Variants in SLC4A1AP observed in about 807,000 individuals in gnomAD.
The protein encoded by SLC4A1AP is solute carrier family 4 member 1 adaptor protein.
Under a neutral mutation model 89.7 loss-of-function variants are expected in SLC4A1AP, and 64 were observed. That is an observed-to-expected ratio of 0.71 (90% CI 0.58 to 0.88). SLC4A1AP has a LOEUF of 0.88. Among genes scored for constraint, SLC4A1AP ranks in the 40% least tolerant of loss-of-function variants. The probability of loss-of-function intolerance (pLI) is 0.00; values close to 1 mark genes in which losing one functional copy is unlikely to be tolerated. For synonymous variants in SLC4A1AP, 366 were observed against 353.3 expected, an observed-to-expected ratio of 1.04 and a Z score of -0.40; for missense variants, 931 against 965.0, an observed-to-expected ratio of 0.96 and a Z score of 0.47.
At chr2:27,688,228 C>G (rs927816604) in intron 11 of SLC4A1AP, among the ~76,000 whole-genome samples, 1 of 152,196 alleles carries the variant, frequency 6.6e-6, no homozygotes, top group Non-Finnish European at 1.5e-5. Context: ...CTTCCACCTT[C>G]TGGGGTTCCC....
chr2:27,667,428 T>G, intron 3 of SLC4A1AP, 38 bp downstream of exon 3: 1 of 1,575,782 alleles, frequency 6.3e-7, no homozygotes, highest in East Asian at 2.3e-5. Context: ...CTAAAACATA[T>G]CCAGAGCAGT....
At chr2:27,691,277 TTG>T (rs1190146206) in intron 12 of SLC4A1AP, among the ~76,000 whole-genome samples, 2 of 151,994 alleles carry the variant, frequency 1.3e-5, no homozygotes, top group Admixed American at 1.3e-4. Context: ...TCTAGGAGGG[TTG>T]TGTGTTTCCA....
At chr2:27,677,821 C>G in exon 8 of SLC4A1AP, 1 of 1,613,550 alleles carries the variant, frequency 6.2e-7, no homozygotes, top group East Asian at 2.2e-5. Flanking sequence ...TGGTGTGTCC[C>G]GGAAGAAACT....
At chr2:27,678,170 G>GT (rs1396020200) in intron 8 of SLC4A1AP, among the ~76,000 whole-genome samples, 1 of 152,116 alleles carries the variant, frequency 6.6e-6, no homozygotes, top group African/African-American at 2.4e-5. Context: ...AGGTTCCGAA[G>GT]TTTTTTTTAC....
intron 5 of SLC4A1AP, among the ~76,000 whole-genome samples, chr2:27,673,879 A>G (rs906126008): frequency 6.6e-6 from 1 of 152,170 alleles, no homozygotes; most frequent in African/African-American, 2.4e-5. Flanking sequence ...AGAATAGCTC[A>G]GGATGAAGGA....
At chr2:27,681,325 G>T (rs1267664029) in intron 8 of SLC4A1AP, among the ~76,000 whole-genome samples, 2 of 152,186 alleles carry the variant, frequency 1.3e-5, no homozygotes, top group Non-Finnish European at 2.9e-5. Context: ...GGACTTAAGA[G>T]TGCTACTAAG....
At chr2:27,668,721 A>T (rs1675374481) in intron 3 of SLC4A1AP, 122 bp from the exon 4 acceptor site, 1 of 906,116 alleles carries the variant, frequency 1.1e-6, no homozygotes, top group Non-Finnish European at 1.8e-6. Flanking sequence ...AAGTGTTAGG[A>T]TTACAGGCGT....
intron 5 of SLC4A1AP, among the ~76,000 whole-genome samples, chr2:27,672,617 T>G (rs1675442988): frequency 1.3e-5 from 2 of 152,328 alleles, no homozygotes; most frequent in South Asian, 4.1e-4. Flanking sequence ...TTAAAGGCTT[T>G]TCTTAGGTGT....
intron 10 of SLC4A1AP, among the ~76,000 whole-genome samples, chr2:27,687,593 AAAT>A (rs1675723665): frequency 6.6e-6 from 1 of 152,138 alleles, no homozygotes; most frequent in African/African-American, 2.4e-5. Context: ...CCTGTTTCTA[AAAT>A]AATAATAAAT....
At chr2:27,691,578 G>C (rs2148141886) in intron 12 of SLC4A1AP, 1 of 149,016 alleles carries the variant, frequency 6.7e-6, no homozygotes, top group East Asian at 2.0e-4. Flanking sequence ...TGCTAGCTTT[G>C]GGTTTAATCT....
chr2:27,683,963 C>G (rs1675662047), intron 9 of SLC4A1AP, among the ~76,000 whole-genome samples: 1 of 152,016 alleles, frequency 6.6e-6, no homozygotes. Context: ...GTCTCGAACT[C>G]CTGACCTCAT....
chr2:27,672,859 T>C (rs1393682912), intron 5 of SLC4A1AP, among the ~76,000 whole-genome samples: 2 of 152,226 alleles, frequency 1.3e-5, no homozygotes, highest in Non-Finnish European at 2.9e-5. Context: ...TCCAATCTCC[T>C]GCCTGAAACG....
At chr2:27,676,031 CAA>C (rs1675515681) in intron 6 of SLC4A1AP, among the ~76,000 whole-genome samples, 1 of 152,078 alleles carries the variant, frequency 6.6e-6, no homozygotes, top group African/African-American at 2.4e-5. Flanking sequence ...TTCTGGCAGT[CAA>C]GAGAAGTCAA....
chr2:27,691,504 T>A (rs1260755277), intron 12 of SLC4A1AP: 1 of 152,050 alleles, frequency 6.6e-6, no homozygotes, highest in East Asian at 1.9e-4. Context: ...TTTTCATTGA[T>A]CTTTTGCAGT....
intron 8 of SLC4A1AP, among the ~76,000 whole-genome samples, chr2:27,680,875 C>T (rs562638663): frequency 6.6e-6 from 1 of 151,876 alleles, no homozygotes; most frequent in South Asian, 2.1e-4. Context: ...TATGTCTCAG[C>T]TTCCTCCAGA....
At chr2:27,670,922 CTTTTT>C (rs34481114) in intron 5 of SLC4A1AP, among the ~76,000 whole-genome samples, 8 of 111,850 alleles carry the variant, frequency 7.2e-5, no homozygotes, top group African/African-American at 2.8e-4. Flanking sequence ...CTTTTCTTTT[CTTTTT>C]TTTTTTTTTT....
chr2:27,664,167 C>T (rs9678851), exon 1 of SLC4A1AP: 32 of 1,613,864 alleles, frequency 2.0e-5, no homozygotes, highest in Non-Finnish European at 2.7e-5. Context: ...GTCGCGCCCC[C>T]CGACAGCGGT....
intron 12 of SLC4A1AP, among the ~76,000 whole-genome samples, chr2:27,689,978 A>C (rs924321949): frequency 1.1e-4 from 17 of 152,172 alleles, no homozygotes; most frequent in African/African-American, 3.9e-4. Flanking sequence ...GTGTCATGTA[A>C]CTCACTGGCT....
intron 8 of SLC4A1AP, among the ~76,000 whole-genome samples, chr2:27,679,917 C>T (rs1260091282): frequency 6.6e-6 from 1 of 152,020 alleles, no homozygotes. Context: ...GTGAGGGAAG[C>T]AGGAGAGGGC....
Sources: allele counts gnomAD v4.1 joint callset (sites outside exome capture counted in the v4.1 genomes callset), GRCh38; gene constraint gnomAD v4.1.1; transcripts MANE v1.5; gene names NCBI Gene and HGNC (gene_info 2026-07-23, HGNC 2026-07-21).